JPT1: variants seen among roughly 807,000 people sequenced by gnomAD.
JPT1 encodes the protein androgen-regulated protein 2.
A neutral mutation model predicts 17.0 loss-of-function variants in JPT1; 5 were observed. The observed-to-expected ratio is 0.29, with a 90% confidence interval of 0.15 to 0.62. JPT1 has a LOEUF of 0.62. Among genes scored for constraint, JPT1 ranks in the 20% least tolerant of loss-of-function variants. The pLI is 0.85. For synonymous variants in JPT1, 71 were observed against 73.6 expected (o/e 0.96, Z 0.18); for missense variants, 158 against 188.1 (o/e 0.84, Z 0.94).
Position 75,139,164 on chromosome 17 carries a change from T to C in JPT1, c.317-2914A>G, listed in dbSNP as rs995442756. ...AAAACAAAACTCCACATTTAAAATA[T>C]TCAAGATAAAGAGAATTCGGACTGA... On this transcript the variant is annotated intron_variant, in intron 4 of 4. Coordinates refer to ENST00000409753, the MANE Select transcript of JPT1 (RefSeq NM_016185.4). Among the ~76,000 whole-genome samples the C allele has an allele frequency of 2.7e-4, 41 of 152,336 alleles. No homozygotes were observed. The Middle Eastern group carries it at 0.01, about 38-fold the overall frequency.
intron 2 of JPT1, 36 bp from the exon 3 acceptor site, chr17:75,147,689 T>C (rs373852002): frequency 1.3e-4 from 198 of 1,548,426 alleles, no homozygotes; most frequent in Middle Eastern, 3.4e-4. Context: ...AGAAATACAA[T>C]AGAAAAAACC....
intron 2 of JPT1, 119 bp downstream of exon 2, chr17:75,148,410 T>A (rs1375404429): frequency 4.9e-5 from 60 of 1,214,030 alleles, no homozygotes; most frequent in Non-Finnish European, 6.7e-5. Context: ...TACCACCAGC[T>A]AATTTTTGTT....
At chr17:75,142,861 A>T (rs927619940) in intron 4 of JPT1, 5 of 446,748 alleles carry the variant, frequency 1.1e-5, no homozygotes, top group African/African-American at 1.0e-4. Context: ...CTGTGATATT[A>T]TGATATACAT....
intron 4 of JPT1, among the ~76,000 whole-genome samples, chr17:75,139,830 ATGTC>A (rs1489955720): frequency 1.3e-5 from 2 of 152,144 alleles, no homozygotes; most frequent in Non-Finnish European, 2.9e-5. Context: ...AAATAAATAA[ATGTC>A]TGTCCAGTCA....
At chr17:75,150,441 C>T (rs192238528) in intron 1 of JPT1, among the ~76,000 whole-genome samples, 134 of 152,206 alleles carry the variant, frequency 8.8e-4, no homozygotes, top group Admixed American at 1.4e-3. Context: ...TCAGTAGAGA[C>T]GGGGTTTCGC....
chr17:75,148,525 G>A lies in JPT1; in HGVS notation c.199+4C>T. On this transcript the variant is annotated splice_donor_region_variant and intron_variant, in intron 2 of 4. Transcript: ENST00000409753. ...TGAACAGTGAGCACAGATAACAAGA[G>A]TACCTGCTGACTTGGCCCAAGAAGC... is the stretch of plus-strand genomic sequence containing the variant. 6.2e-7 allele frequency: 1 copy of A among 1,614,100 alleles called. No individual in the cohort carries two copies. Among genetic ancestry groups the A allele is most frequent in the Non-Finnish European group, 8.5e-7 (1 of 1,180,018 alleles).
chr17:75,151,347 G>GATA (rs202245320), intron 1 of JPT1, among the ~76,000 whole-genome samples: 6,434 of 150,198 alleles, frequency 0.043, 171 homozygotes, highest in Non-Finnish European at 0.059. Context: ...AAATAATAAT[G>GATA]ATAATAATAA....
chr17:75,145,004 G>A (rs2074396386), intron 4 of JPT1, among the ~76,000 whole-genome samples: 1 of 151,636 alleles, frequency 6.6e-6, no homozygotes, highest in Non-Finnish European at 1.5e-5. Context: ...GTGAGGCCGG[G>A]CGCAGTGGCT....
chr17:75,142,178 G>A (rs1158779170), intron 4 of JPT1, among the ~76,000 whole-genome samples: 8 of 152,156 alleles, frequency 5.3e-5, no homozygotes. Flanking sequence ...CTAACTTCTA[G>A]TTGTATTAAC....
Position 75,149,020 on chromosome 17 carries a change from T to G in JPT1, c.57-349A>C. On this transcript the variant is annotated intron_variant, in intron 1 of 4. Coordinates refer to ENST00000409753, the MANE Select transcript of JPT1 (RefSeq NM_016185.4). ...TCTACTGGGCTTGGCTGAATATACT[T>G]TCAAAGAAGTTTAGAAGTATTTCTT... 3.1e-6 allele frequency: 4 copies of G among 1,270,096 alleles called. No individual in the cohort carries two copies. In the South Asian group the frequency reaches 4.1e-5, roughly 13 times the overall value. 78.7% of individuals were successfully genotyped at this position (1,270,096 alleles called of 1,614,324 possible). A position where few individuals can be genotyped will look rare whatever the true frequency, so the allele number is the denominator to read the frequency against.
In JPT1 at chr17:75,146,037, T is replaced by C. The variant is rs992453996; in HGVS notation, c.316+629A>G. 1.2e-4 allele frequency among the ~76,000 whole-genome samples: 18 copies of C among 152,024 alleles called. 1 individual carries two copies. The South Asian group carries it at 2.3e-3, about 19-fold the overall frequency. On this transcript the variant is annotated intron_variant, in intron 4 of 4. Transcript: ENST00000409753. The stretch of plus-strand genomic sequence containing the variant: ...GAGGCCACAGTAAGCTGTGATTGCC[T>C]ACTGCACTCCAGCCTTGGCAACAGA...
chr17:75,139,866 A>G (rs2074275400), intron 4 of JPT1, among the ~76,000 whole-genome samples: 1 of 152,050 alleles, frequency 6.6e-6, no homozygotes, highest in Non-Finnish European at 1.5e-5. Flanking sequence ...CCCACAGAGG[A>G]GGGAGGTTTG....
rs112600365 is a variant in JPT1, at chr17:75,154,341, C to T, written c.56+1G>A. 1 of 1,545,596 alleles carries T rather than the reference C, an allele frequency of 6.5e-7. No homozygotes were observed. Among genetic ancestry groups the T allele is most frequent in the Non-Finnish European group, 8.7e-7 (1 of 1,145,100 alleles). ...GCTCGGGCGCGACCCGGTCGCCTCA[C>T]CGGGAGCTATTCCTGCTGTTGGGGT... is the stretch of plus-strand genomic sequence containing the variant. On this transcript the variant is annotated splice_donor_variant, in intron 1 of 4. Transcript: ENST00000409753. LOFTEE classifies it high-confidence loss of function.
Position 75,154,448 on chromosome 17 carries a change from C to T in JPT1, c.-51G>A. The stretch of plus-strand genomic sequence containing the variant: ...CGCCGGAGCAGAACGCTCAAAGGGT[C>T]GGACCCGAGGGGCGCTGGGAAACTC... On this transcript the variant is annotated 5_prime_UTR_variant, in exon 1 of 5. Transcript: ENST00000409753. The T allele has an allele frequency of 6.6e-7, 1 of 1,515,036 alleles. No individual in the cohort carries two copies. 93.8% of individuals were successfully genotyped at this position (1,515,036 alleles called of 1,614,324 possible). A position where few individuals can be genotyped will look rare whatever the true frequency, so the allele number is the denominator to read the frequency against.
At chr17:75,146,571 C>A (rs1167575126) in intron 4 of JPT1, 95 bp downstream of exon 4, 1 of 943,676 alleles carries the variant, frequency 1.1e-6, no homozygotes, top group Non-Finnish European at 1.6e-6. Context: ...GTTTCACTCC[C>A]CAGTCTCTTT....
chr17:75,142,576 AGAGGGAGGGAGAGG>A (rs1287684715), intron 4 of JPT1, among the ~76,000 whole-genome samples: 3 of 77,830 alleles, frequency 3.9e-5, no homozygotes, highest in African/African-American at 5.3e-5. Context: ...AGGGGAGGGG[AGAGGGAGGGAGAGG>A]GAGGGAGGGA....
intron 4 of JPT1, chr17:75,138,358 C>T (rs2074247214): frequency 6.6e-6 from 1 of 151,692 alleles, no homozygotes; most frequent in Non-Finnish European, 1.5e-5. Context: ...CATAGAATCC[C>T]TTTTGCCTGA....
Position 75,154,466 on chromosome 17 carries a change from G to A in JPT1, c.-69C>T. On this transcript the variant is annotated 5_prime_UTR_variant, in exon 1 of 5. Coordinates refer to ENST00000409753, the MANE Select transcript of JPT1 (RefSeq NM_016185.4). ...AAAGGGTCGGACCCGAGGGGCGCTGGGAAACTCCACACCCAACAGCCGACC... is the reference window on the plus strand; with the variant it reads ...AAAGGGTCGGACCCGAGGGGCGCTGAGAAACTCCACACCCAACAGCCGACC... The A allele has an allele frequency of 5.6e-6, 8 of 1,439,256 alleles. No homozygotes were observed. Among genetic ancestry groups the A allele is most frequent in the Non-Finnish European group, 7.5e-6 (8 of 1,062,508 alleles). 89.2% of individuals were successfully genotyped at this position (1,439,256 alleles called of 1,614,324 possible). A position where few individuals can be genotyped will look rare whatever the true frequency, so the allele number is the denominator to read the frequency against.
intron 4 of JPT1, 111 bp from the exon 5 acceptor site, chr17:75,136,361 C>T (rs2074197751): frequency 2.8e-6 from 3 of 1,053,238 alleles, no homozygotes; most frequent in Admixed American, 2.9e-5. Flanking sequence ...TGGAAACATA[C>T]CTAAAAGCAT....
Sources: gnomAD v4.1 joint callset for allele counts (sites outside exome capture counted in the v4.1 genomes callset) on GRCh38, gnomAD v4.1.1 for gene constraint, MANE v1.5 for transcripts, NCBI Gene and HGNC (gene_info 2026-07-23, HGNC 2026-07-21) for gene names.